PRRC2B: variants seen among roughly 807,000 people sequenced by gnomAD.
PRRC2B encodes the protein proline rich coiled-coil 2B.
A neutral mutation model predicts 242.3 loss-of-function variants in PRRC2B; 68 were observed. That is an observed-to-expected ratio of 0.28 (90% CI 0.23 to 0.34). The LOEUF (loss-of-function observed/expected upper bound fraction) is 0.34. Among genes scored for constraint, PRRC2B ranks in the 10% least tolerant of loss-of-function variants. The pLI, the probability that PRRC2B is intolerant of heterozygous loss-of-function variation, is 1.00. For missense variants in PRRC2B, 2,835 were observed against 2,954.8 expected (o/e 0.96, Z 0.94); for synonymous variants, 1,228 against 1,173.6 (o/e 1.05, Z -0.95).
At chr9:131,396,325 CTTTTTTT>C (rs1165485887) in intron 1 of PRRC2B, among the ~76,000 whole-genome samples, 3 of 132,950 alleles carry the variant, frequency 2.3e-5, no homozygotes, top group Admixed American at 8.0e-5. Context: ...CTTTTCTTTT[CTTTTTTT>C]TTTTTTTTTT....
intron 1 of PRRC2B, among the ~76,000 whole-genome samples, chr9:131,428,200 G>A (rs1407668541): frequency 2.0e-5 from 3 of 152,072 alleles, no homozygotes; most frequent in Non-Finnish European, 4.4e-5. Flanking sequence ...GATTATAGGC[G>A]TGAGCCACCG....
intron 1 of PRRC2B, among the ~76,000 whole-genome samples, chr9:131,382,489 A>G (rs1836773703): frequency 6.6e-6 from 1 of 151,998 alleles, no homozygotes; most frequent in Non-Finnish European, 1.5e-5. Flanking sequence ...TGTGTTGTTG[A>G]GCCCCTCGGA....
At chr9:131,396,286 C>A (rs140125859) in intron 1 of PRRC2B, among the ~76,000 whole-genome samples, 12 of 149,764 alleles carry the variant, frequency 8.0e-5, no homozygotes, top group Non-Finnish European at 1.6e-4. Context: ...CTTTCCCTTC[C>A]TTTTCCTTCC....
intron 28 of PRRC2B, among the ~76,000 whole-genome samples, chr9:131,489,619 C>T (rs1944127024): frequency 6.6e-6 from 1 of 152,072 alleles, no homozygotes; most frequent in Non-Finnish European, 1.5e-5. Flanking sequence ...AGCAGCTTTT[C>T]AGACTTGCAT....
chr9:131,470,309 CAT>C (rs908908151), intron 13 of PRRC2B, among the ~76,000 whole-genome samples: 14 of 152,208 alleles, frequency 9.2e-5, no homozygotes, highest in African/African-American at 3.4e-4. Flanking sequence ...TAGGGGTTGA[CAT>C]ATTGGGCGTG....
At chr9:131,459,020 T>C (rs1056919066) in intron 10 of PRRC2B, 144 bp from the exon 11 acceptor site, 86 of 666,422 alleles carry the variant, frequency 1.3e-4, no homozygotes, top group Non-Finnish European at 2.1e-4. Context: ...GGAATTCACA[T>C]GGAAGTAGTG....
chr9:131,430,980 C>T (rs1198992112), intron 2 of PRRC2B, among the ~76,000 whole-genome samples: 14 of 144,628 alleles, frequency 9.7e-5, no homozygotes, highest in African/African-American at 3.1e-4. Flanking sequence ...GACACAGTTT[C>T]GCTCTTATTG....
At chr9:131,455,253 A>C in intron 10 of PRRC2B, 87 bp downstream of exon 10, 1 of 894,614 alleles carries the variant, frequency 1.1e-6, no homozygotes, top group Non-Finnish European at 1.8e-6. Context: ...TTTCCATAGC[A>C]ACCTGGAATG....
intron 1 of PRRC2B, among the ~76,000 whole-genome samples, chr9:131,420,486 T>C (rs866152466): frequency 2.2e-4 from 4 of 18,268 alleles, no homozygotes; most frequent in South Asian, 4.7e-3. Context: ...TCTTTCTTTC[T>C]TTCTTTCTTT....
Position 131,475,989 on chromosome 9 carries a change from A to C in PRRC2B, c.3860A>C (p.His1287Pro), listed in dbSNP as rs1426558231. ...AAGAGATCCTTCTTCCAAGATGAACACGTGGCAGATTCTGAAAATGCAGAG... is the reference window on the plus strand; with the variant it reads ...AAGAGATCCTTCTTCCAAGATGAACCCGTGGCAGATTCTGAAAATGCAGAG... The part of the protein sequence containing the change: ...EDKRSFFQDE[H>P]VADSENAENR... The change falls in exon 16 of 32, where the codon CAC becomes CCC. Residue 1287 changes from histidine (H) to proline (P), a missense_variant. Transcript: ENST00000683519. The C allele has an allele frequency of 6.2e-7, 1 of 1,608,246 alleles. No homozygotes were observed. The highest frequency in any genetic ancestry group is 1.7e-5 in the Admixed American group (1 of 59,834).
chr9:131,426,337 CAAAAAAAAA>C (rs5900939), intron 1 of PRRC2B, among the ~76,000 whole-genome samples: 3 of 84,456 alleles, frequency 3.6e-5, no homozygotes, highest in African/African-American at 8.4e-5. Context: ...AACTCTGTCT[CAAAAAAAAA>C]AAAAAAAAAA....
chr9:131,439,583 C>T (rs1232130174), intron 5 of PRRC2B, among the ~76,000 whole-genome samples: 3 of 152,194 alleles, frequency 2.0e-5, no homozygotes, highest in Non-Finnish European at 4.4e-5. Flanking sequence ...TATTAGAAAA[C>T]CAGCTGCACA....
intron 5 of PRRC2B, 80 bp downstream of exon 5, chr9:131,439,141 T>A: frequency 8.2e-7 from 1 of 1,224,820 alleles, no homozygotes; most frequent in Non-Finnish European, 1.2e-6. Context: ...TCTGGTTGGG[T>A]CTAGGCACCC....
intron 16 of PRRC2B, 139 bp downstream of exon 16, chr9:131,476,674 C>A: frequency 1.4e-6 from 1 of 697,546 alleles, no homozygotes; most frequent in Non-Finnish European, 2.3e-6. Flanking sequence ...GTCTCCATTG[C>A]CTGCCCCCAC....
At position 131,478,638 on chromosome 9, in the gene PRRC2B, G is replaced by A. The variant is rs1254608919; in HGVS notation, c.4758+19G>A. 1.4e-6 allele frequency: 2 copies of A among 1,409,128 alleles called. No homozygotes were observed. Among genetic ancestry groups the A allele is most frequent in the Non-Finnish European group, 2.0e-6 (2 of 1,010,636 alleles). 87.3% of individuals were successfully genotyped at this position (1,409,128 alleles called of 1,614,324 possible). ...CGTGCAGGTGAGGGGCGGAGGGTGGGGGGGCATGGGGCTGGAGGGCAGGCT... is the reference window on the plus strand; with the variant it reads ...CGTGCAGGTGAGGGGCGGAGGGTGGAGGGGCATGGGGCTGGAGGGCAGGCT... On this transcript the variant is annotated intron_variant, in intron 18 of 31. Transcript: ENST00000683519.
chr9:131,430,283 G>A, intron 2 of PRRC2B, 24 bp downstream of exon 2: 1 of 1,432,462 alleles, frequency 7.0e-7, no homozygotes, highest in Non-Finnish European at 9.7e-7. Context: ...TTGAAGGCCA[G>A]TTCCTCAAAC....
At chr9:131,409,539 G>A (rs1395346463) in intron 1 of PRRC2B, among the ~76,000 whole-genome samples, 1 of 152,194 alleles carries the variant, frequency 6.6e-6, no homozygotes, top group Non-Finnish European at 1.5e-5. Context: ...ACATGTATTG[G>A]TTACAAAGAT....
chr9:131,498,463 CT>C lies in PRRC2B; in HGVS notation c.*2590del. ...GGGGGGCTGAGGGCAGGCCTCAGGC[CT>C]CCCAGCGCCCCAACCCCTCCTTGGT... On this transcript the variant is annotated 3_prime_UTR_variant, in exon 32 of 32. Transcript: ENST00000683519. 6.6e-6 allele frequency: 1 copy of C among 152,340 alleles called. No homozygotes were observed. 9.4% of individuals were successfully genotyped at this position (152,340 alleles called of 1,614,324 possible).
At chr9:131,414,943 G>A (rs1406875650) in intron 1 of PRRC2B, among the ~76,000 whole-genome samples, 2 of 152,100 alleles carry the variant, frequency 1.3e-5, no homozygotes, top group Non-Finnish European at 2.9e-5. Context: ...TTATTTCCTG[G>A]ATCCTATTTG....
Sources: allele counts gnomAD v4.1 joint callset (sites outside exome capture counted in the v4.1 genomes callset), GRCh38; gene constraint gnomAD v4.1.1; transcripts MANE v1.5; gene names NCBI Gene and HGNC (gene_info 2026-07-23, HGNC 2026-07-21).